Variants in CDH12 observed in about 807,000 individuals in gnomAD.
CDH12 encodes cadherin 12.
A neutral mutation model predicts 74.1 loss-of-function variants in CDH12; 41 were observed. The observed-to-expected ratio is 0.55, with a 90% CI of 0.43 to 0.72. The LOEUF is 0.72. CDH12 is among the 30% of genes least tolerant of loss of function. The probability of loss-of-function intolerance (pLI) is 0.00; values close to 1 mark genes in which losing one functional copy is unlikely to be tolerated. For missense variants in CDH12, 945 were observed against 977.2 expected (o/e 0.97, Z 0.44); for synonymous variants, 399 against 355.0 (o/e 1.12, Z -1.39).
At chr5:21,942,418 AAGT>A (rs1295745297) in intron 6 of CDH12, among the ~76,000 whole-genome samples, 2 of 150,062 alleles carry the variant, frequency 1.3e-5, no homozygotes, top group Non-Finnish European at 2.9e-5. Flanking sequence ...GTATTAGGAA[AAGT>A]AGTAAATCTA....
intron 1 of CDH12, among the ~76,000 whole-genome samples, chr5:22,672,636 C>G (rs1405059517): frequency 2.6e-5 from 4 of 152,066 alleles, no homozygotes; most frequent in African/African-American, 9.7e-5. Context: ...GCAAAATAGA[C>G]TTATTTTCTT....
chr5:22,501,967 A>T (rs1244348881), intron 2 of CDH12, among the ~76,000 whole-genome samples: 1 of 151,962 alleles, frequency 6.6e-6, no homozygotes, highest in East Asian at 1.9e-4. Context: ...TGCCCTAAAG[A>T]CTTGCTTTTT....
intron 6 of CDH12, among the ~76,000 whole-genome samples, chr5:21,889,336 G>A (rs1418413704): frequency 6.6e-6 from 1 of 152,110 alleles, no homozygotes; most frequent in Non-Finnish European, 1.5e-5. Flanking sequence ...AGGGAGATGT[G>A]GTATCTGGCT....
chr5:22,134,445 G>A (rs942946901), intron 4 of CDH12, among the ~76,000 whole-genome samples: 37 of 152,088 alleles, frequency 2.4e-4, no homozygotes, highest in African/African-American at 8.7e-4. Flanking sequence ...CATCAGGTGA[G>A]TTGAGAAGAG....
At chr5:22,797,652 A>G (rs1272816467) in intron 1 of CDH12, among the ~76,000 whole-genome samples, 1 of 152,228 alleles carries the variant, frequency 6.6e-6, no homozygotes, top group Non-Finnish European at 1.5e-5. Flanking sequence ...ATGTAGAAAT[A>G]AAAGATTCTC....
intron 1 of CDH12, among the ~76,000 whole-genome samples, chr5:22,661,068 G>A (rs1034518123): frequency 3.3e-5 from 5 of 151,798 alleles, no homozygotes; most frequent in Non-Finnish European, 5.9e-5. Flanking sequence ...TGTGGATTTC[G>A]GCTTCCCAGT....
At position 21,975,763 on chromosome 5, in the gene CDH12, T is replaced by C. The variant is rs143223856; in HGVS notation, c.232-378A>G. ...CAGAACAAAAGTACAACCTCAGATA[T>C]AGCAACAGGCAAAAAAACCAACAAA... is the stretch of plus-strand genomic sequence containing the variant. On this transcript the variant is annotated intron_variant, in intron 5 of 14. Coordinates refer to ENST00000382254, the MANE Select transcript of CDH12 (RefSeq NM_004061.5). Among the ~76,000 whole-genome samples the C allele has an allele frequency of 7.5e-3, 1,149 of 152,228 alleles. 9 individuals carry two copies. The highest frequency in any genetic ancestry group is 0.026 in the African/African-American group (1,075 of 41,536).
intron 3 of CDH12, among the ~76,000 whole-genome samples, chr5:22,232,873 A>T (rs55799331): frequency 0.11 from 15,875 of 146,630 alleles, 879 homozygotes; most frequent in South Asian, 0.13. Context: ...TTATATATAT[A>T]TTTTTTCTTT....
intron 3 of CDH12, among the ~76,000 whole-genome samples, chr5:22,246,895 C>T (rs942299469): frequency 6.6e-6 from 1 of 151,992 alleles, no homozygotes; most frequent in Admixed American, 6.6e-5. Flanking sequence ...ATGAATGAGT[C>T]AAATTTTCAA....
intron 1 of CDH12, among the ~76,000 whole-genome samples, chr5:22,817,279 TA>T (rs1177082314): frequency 6.6e-6 from 1 of 152,112 alleles, no homozygotes; most frequent in Non-Finnish European, 1.5e-5. Flanking sequence ...TGTACTTTAG[TA>T]AAAAATTATG....
intron 7 of CDH12, among the ~76,000 whole-genome samples, chr5:21,843,597 C>T (rs1474777125): frequency 2.0e-5 from 3 of 151,514 alleles, no homozygotes; most frequent in Non-Finnish European, 2.9e-5. Context: ...TCACTGCAAT[C>T]TCCGCCTCCC....
At chr5:22,259,039 A>T (rs1272295039) in intron 3 of CDH12, among the ~76,000 whole-genome samples, 1 of 152,148 alleles carries the variant, frequency 6.6e-6, no homozygotes, top group Non-Finnish European at 1.5e-5. Context: ...TTTTTTCTAC[A>T]CACAAATGTA....
At chr5:22,252,438 C>T (rs773788267) in intron 3 of CDH12, among the ~76,000 whole-genome samples, 3 of 151,634 alleles carry the variant, frequency 2.0e-5, no homozygotes, top group South Asian at 2.1e-4. Context: ...CGAACACTTG[C>T]TTTGTGGAAT....
At chr5:22,581,789 C>T (rs1740115455) in intron 1 of CDH12, among the ~76,000 whole-genome samples, 1 of 152,266 alleles carries the variant, frequency 6.6e-6, no homozygotes, top group African/African-American at 2.4e-5. Flanking sequence ...TTACCTGATG[C>T]TTTTGCCTCA....
intron 6 of CDH12, among the ~76,000 whole-genome samples, chr5:21,856,196 A>T (rs1424767154): frequency 6.6e-6 from 1 of 151,690 alleles, no homozygotes. Flanking sequence ...TCTACCCAGC[A>T]TTGGGTATCT....
intron 11 of CDH12, among the ~76,000 whole-genome samples, chr5:21,768,037 A>G (rs2149879611): frequency 6.6e-6 from 1 of 151,936 alleles, no homozygotes; most frequent in East Asian, 1.9e-4. Flanking sequence ...ATTCAGCATG[A>G]GTATTATTAT....
intron 1 of CDH12, among the ~76,000 whole-genome samples, chr5:22,591,619 T>C (rs978524557): frequency 1.3e-5 from 2 of 152,304 alleles, no homozygotes; most frequent in South Asian, 2.1e-4. Flanking sequence ...TACTACTAAG[T>C]TGACTCATTC....
intron 1 of CDH12, among the ~76,000 whole-genome samples, chr5:22,821,710 C>T (rs1302715750): frequency 1.3e-5 from 2 of 151,340 alleles, no homozygotes; most frequent in Non-Finnish European, 1.5e-5. Context: ...AACTACAAAC[C>T]ACTGCTCAAT....
At chr5:21,842,016 A>G in intron 8 of CDH12, 145 bp downstream of exon 8, 1 of 669,972 alleles carries the variant, frequency 1.5e-6, no homozygotes, top group Non-Finnish European at 2.5e-6. Flanking sequence ...AAAAAAAAAA[A>G]AAGATTTGTA....
Sources: allele counts gnomAD v4.1 joint callset (sites outside exome capture counted in the v4.1 genomes callset), GRCh38; gene constraint gnomAD v4.1.1; transcripts MANE v1.5; gene names NCBI Gene and HGNC (gene_info 2026-07-23, HGNC 2026-07-21).